Variants in PCDHGA10 observed in about 807,000 individuals in gnomAD.
The protein encoded by PCDHGA10 is protocadherin gamma-A10.
A neutral mutation model predicts 59.5 loss-of-function variants in PCDHGA10; 42 were observed. The ratio of observed to expected loss-of-function variants is 0.71; its 90% CI spans 0.55 to 0.91. The LOEUF is 0.91. Among genes scored for constraint, PCDHGA10 ranks in the 40% least tolerant of loss-of-function variants. The pLI is 0.00. For synonymous variants in PCDHGA10, 511 were observed against 517.2 expected, an observed-to-expected ratio of 0.99 and a Z score of 0.16; for missense variants, 1,111 against 1,198.2, an observed-to-expected ratio of 0.93 and a Z score of 1.07.
At chr5:141,423,228 C>G (rs1321708353) in intron 1 of PCDHGA10, 5 of 1,613,866 alleles carry the variant, frequency 3.1e-6, no homozygotes, top group Non-Finnish European at 2.5e-6. Context: ...CTGTGGCCGA[C>G]AGCATCCCCG....
Position 141,432,226 on chromosome 5 carries a change from T to C in PCDHGA10, c.2436+16615T>C. On this transcript the variant is annotated intron_variant, in intron 1 of 3. Coordinates refer to ENST00000398610, the MANE Select transcript of PCDHGA10 (RefSeq NM_018913.3). The surrounding 1 kb of genome is among the most constrained non-coding windows in gnomAD (Gnocchi z 6.0). ...GTGAAGAGAACGCCCAGATCACTTATTCCCTGGCTGAGAACACCATCCAAG... is the reference window on the plus strand; with the variant it reads ...GTGAAGAGAACGCCCAGATCACTTACTCCCTGGCTGAGAACACCATCCAAG... 4 of 1,614,198 alleles carry C rather than the reference T, an allele frequency of 2.5e-6. No individual in the cohort carries two copies. The highest frequency in any genetic ancestry group is 3.4e-6 in the Non-Finnish European group (4 of 1,180,028).
intron 1 of PCDHGA10, chr5:141,423,124 C>T (rs748586131): frequency 1.9e-6 from 3 of 1,613,778 alleles, no homozygotes; most frequent in Non-Finnish European, 1.7e-6. Context: ...AGCGCGGGCA[C>T]TGCTGGACAG....
At chr5:141,478,794 G>A in intron 1 of PCDHGA10, 1 of 1,468,126 alleles carries the variant, frequency 6.8e-7, no homozygotes, top group Non-Finnish European at 9.0e-7. Flanking sequence ...CACATCCTCA[G>A]CACTCTTTTG....
intron 1 of PCDHGA10, chr5:141,424,500 G>A (rs2154550788): frequency 6.6e-6 from 1 of 152,208 alleles, no homozygotes; most frequent in African/African-American, 2.4e-5. Flanking sequence ...TGTATGTATG[G>A]AAGGTTTTTT....
chr5:141,476,714 C>A lies in PCDHGA10; in HGVS notation c.2437-18093C>A, dbSNP rs146188020. 1 of 1,614,154 alleles carries A rather than the reference C, an allele frequency of 6.2e-7. No homozygotes were observed. The highest frequency in any genetic ancestry group is 1.1e-5 in the South Asian group (1 of 91,078). ...CAAGTACGCGGAGCTGGTGTTGGAG[C>A]GCGCCCTGGACCGAGAACGGGAGCC... On this transcript the variant is annotated intron_variant, in intron 1 of 3. Transcript: ENST00000398610. This position sits in a 1 kb window ranked among gnomAD's most constrained non-coding sequence, Gnocchi z 7.6.
Position 141,491,874 on chromosome 5 carries a change from T to G in PCDHGA10, c.2437-2933T>G, listed in dbSNP as rs1160702024. On this transcript the variant is annotated intron_variant, in intron 1 of 3. Coordinates refer to ENST00000398610, the MANE Select transcript of PCDHGA10 (RefSeq NM_018913.3). The surrounding 1 kb of genome is among the most constrained non-coding windows in gnomAD (Gnocchi z 6.9). ...GTTTGCGCGAAACCAGAGTGGCCGA[T>G]TAAGGGATGGGGCTCCGAGCACCGG... 15 of 1,451,168 alleles carry G rather than the reference T, an allele frequency of 1.0e-5. No homozygotes were observed. The highest frequency in any genetic ancestry group is 1.4e-5 in the Non-Finnish European group (15 of 1,098,162). 89.9% of individuals were successfully genotyped at this position (1,451,168 alleles called of 1,614,324 possible). A position where few individuals can be genotyped will look rare whatever the true frequency, so the allele number is the denominator to read the frequency against.
intron 3 of PCDHGA10, among the ~76,000 whole-genome samples, chr5:141,507,582 T>G (rs1221383898): frequency 6.6e-6 from 1 of 152,264 alleles, no homozygotes; most frequent in Non-Finnish European, 1.5e-5. Flanking sequence ...AGATGCCAAG[T>G]TGGCCTCTTG....
At position 141,413,451 on chromosome 5, in the gene PCDHGA10, CA is replaced by C. The variant is rs1561742676; in HGVS notation, c.277del (p.Arg93GlyfsTer2). ...PRSGSLITAG[R>X]IDREELCAQS... is the part of the protein sequence containing the mutation. ...GCAGCGGCAGCTTGATCACCGCGGG[CA>C]GGATAGACCGGGAGGAGCTCTGCGC... is the stretch of plus-strand genomic sequence containing the variant. On this transcript the variant is annotated frameshift_variant, in exon 1 of 4. Transcript: ENST00000398610. LOFTEE classifies it high-confidence loss of function. 1 of 1,614,118 alleles carries C rather than the reference CA, an allele frequency of 6.2e-7. No individual in the cohort carries two copies. The highest frequency in any genetic ancestry group is 2.2e-5 in the East Asian group (1 of 44,886).
At chr5:141,421,720 G>A (rs372813759) in intron 1 of PCDHGA10, 4 of 1,613,788 alleles carry the variant, frequency 2.5e-6, no homozygotes, top group Non-Finnish European at 3.4e-6. Context: ...AGATGTGGGC[G>A]TGAACTCCCT....
At chr5:141,467,117 A>G (rs62379198) in intron 1 of PCDHGA10, among the ~76,000 whole-genome samples, 35,587 of 150,646 alleles carry the variant, frequency 0.24, 4,364 homozygotes, top group Admixed American at 0.32. Flanking sequence ...CAATGGTGCA[A>G]TCTCAGCTCA....
In PCDHGA10 at chr5:141,485,609, G is replaced by A. The variant is rs1432367043; in HGVS notation, c.2437-9198G>A. The A allele has an allele frequency of 6.2e-7, 1 of 1,612,252 alleles. No homozygotes were observed. Among genetic ancestry groups the A allele is most frequent in the Non-Finnish European group, 8.5e-7 (1 of 1,178,656 alleles). On this transcript the variant is annotated intron_variant, in intron 1 of 3. Transcript: ENST00000398610. This position sits in a 1 kb window ranked among gnomAD's most constrained non-coding sequence, Gnocchi z 5.7. ...GCTGGACTTGGAAATTGGGGAGGCA[G>A]CTCCTCCAGGACAGCGTTTCCCGTT...
Position 141,414,615 on chromosome 5 carries a change from G to T in PCDHGA10, c.1440G>T (p.Ala480=). 1 of 1,613,962 alleles carries T rather than the reference G, an allele frequency of 6.2e-7. No individual in the cohort carries two copies. The highest frequency in any genetic ancestry group is 8.5e-7 in the Non-Finnish European group (1 of 1,179,894). Residue 480 remains alanine (A), a synonymous_variant, in exon 1 of 4, where the codon GCG becomes GCT. Coordinates refer to ENST00000398610, the MANE Select transcript of PCDHGA10 (RefSeq NM_018913.3). ...GTGCCTCCATCTTCTCAGTGACAGC[G>T]CTGGACCCGGACAGCAAAGAGAATG... ...ARGASIFSVT[A]LDPDSKENAQ... is the part of the protein sequence containing the mutation.
rs771124496 is a variant in PCDHGA10, at chr5:141,489,457, C to A, written c.2437-5350C>A. The A allele has an allele frequency of 6.2e-7, 1 of 1,613,882 alleles. No homozygotes were observed. The highest frequency in any genetic ancestry group is 8.5e-7 in the Non-Finnish European group (1 of 1,179,984). ...GCAATTGGGCTCTGAGGAGAATGGG[C>A]GCTATTTTTCCCTGAGCTTGATGAG... On this transcript the variant is annotated intron_variant, in intron 1 of 3. Coordinates refer to ENST00000398610, the MANE Select transcript of PCDHGA10 (RefSeq NM_018913.3). This position sits in a 1 kb window ranked among gnomAD's most constrained non-coding sequence, Gnocchi z 4.5.
At chr5:141,467,337 G>A (rs1018807977) in intron 1 of PCDHGA10, among the ~76,000 whole-genome samples, 1 of 152,162 alleles carries the variant, frequency 6.6e-6, no homozygotes, top group Admixed American at 6.6e-5. Flanking sequence ...AGAGACGTAA[G>A]CCACTGCCCC....
At chr5:141,473,884 G>T (rs1162382168) in intron 1 of PCDHGA10, among the ~76,000 whole-genome samples, 1 of 152,162 alleles carries the variant, frequency 6.6e-6, no homozygotes, top group African/African-American at 2.4e-5. Context: ...ATACACAAGG[G>T]TTCTGTTGGT....
rs147534370 is a variant in PCDHGA10 at position 141,511,170 on chromosome 5, G to A, written c.2808G>A (p.Lys936=). ...AGAAGTCGGGCAAGAAGGAGAAGAA[G>A]TAACATGGAGGCCAGGCCAAGAGCC... ...NKKKSGKKEK[K] The change falls in exon 4 of 4, where the codon AAG becomes AAA. Residue 936 remains lysine (K), a synonymous_variant. Coordinates refer to ENST00000398610, the MANE Select transcript of PCDHGA10 (RefSeq NM_018913.3). 1.9e-6 allele frequency: 3 copies of A among 1,613,988 alleles called. No homozygotes were observed. The highest frequency in any genetic ancestry group is 2.5e-6 in the Non-Finnish European group (3 of 1,179,990).
At chr5:141,506,226 G>A (rs1248069119) in intron 3 of PCDHGA10, among the ~76,000 whole-genome samples, 3 of 152,152 alleles carry the variant, frequency 2.0e-5, no homozygotes, top group Non-Finnish European at 1.5e-5. Flanking sequence ...TGAGGCAGGA[G>A]GATCATGAGG....
rs1223431294 is a variant in PCDHGA10, at chr5:141,490,280, C to T, written c.2437-4527C>T. ...GATGTGGGGGATGTCAATGACAATG[C>T]CCCAGAGGTGCTATTGGCCTCTTTG... On this transcript the variant is annotated intron_variant, in intron 1 of 3. Transcript: ENST00000398610. The surrounding 1 kb of genome is among the most constrained non-coding windows in gnomAD (Gnocchi z 5.4). The T allele has an allele frequency of 5.6e-6, 9 of 1,614,216 alleles. No individual in the cohort carries two copies. In the East Asian group the frequency reaches 1.8e-4, roughly 32 times the overall value.
At chr5:141,445,767 T>C (rs2098476828) in intron 1 of PCDHGA10, among the ~76,000 whole-genome samples, 1 of 152,142 alleles carries the variant, frequency 6.6e-6, no homozygotes, top group African/African-American at 2.4e-5. Flanking sequence ...ACTCAAGCAA[T>C]TTAAAAGGGC....
Sources: gnomAD v4.1 joint callset for allele counts (sites outside exome capture counted in the v4.1 genomes callset) on GRCh38, gnomAD v4.1.1 for gene constraint, Gnocchi (gnomAD v3.1) non-coding constraint, MANE v1.5 for transcripts, NCBI Gene and HGNC (gene_info 2026-07-23, HGNC 2026-07-21) for gene names.